The following LAT2 variants were observed in gnomAD, a reference collection of about 807,000 sequenced individuals.
The protein encoded by LAT2 is linker for activation of T-cells family member 2.
A neutral mutation model predicts 43.4 loss-of-function variants in LAT2; 23 were observed. The observed-to-expected ratio is 0.53, with a 90% CI of 0.38 to 0.75. The LOEUF is 0.75. Ranked by LOEUF, LAT2 falls within the 30% of genes least tolerant of loss-of-function variation. The pLI, the probability that LAT2 is intolerant of heterozygous loss-of-function variation, is 0.00. For missense variants in LAT2, 284 were observed against 310.2 expected, an observed-to-expected ratio of 0.92 and a Z score of 0.64; for synonymous variants, 128 against 123.2, an observed-to-expected ratio of 1.04 and a Z score of -0.26.
chr7:74,228,424 C>T (rs1473482808), intron 13 of LAT2, among the ~76,000 whole-genome samples: 2 of 147,892 alleles, frequency 1.4e-5, no homozygotes, highest in Non-Finnish European at 3.0e-5. Context: ...TGCAGTGAGC[C>T]GAGATCACGC....
At chr7:74,216,747 C>T in intron 3 of LAT2, 78 bp from the exon 4 acceptor site, 3 of 1,253,762 alleles carry the variant, frequency 2.4e-6, no homozygotes, top group African/African-American at 1.5e-5. Context: ...CTGCTGGAGA[C>T]AAGACATGGC....
chr7:74,220,347 G>A lies in LAT2; in HGVS notation c.265+93G>A, dbSNP rs1019615207. 4.2e-6 allele frequency: 6 copies of A among 1,438,342 alleles called. No homozygotes were observed. Among genetic ancestry groups the A allele is most frequent in the African/African-American group, 1.4e-5 (1 of 70,994 alleles). The allele number at this position is 1,438,342 out of a possible 1,614,324, so 89.1% of individuals were successfully genotyped here. A position where few individuals can be genotyped will look rare whatever the true frequency, so the allele number is the denominator to read the frequency against. Reference sequence around the variant, plus strand: ...ATGGGACAGGCGTCGTGCAGTGGGGGCTGCGGGGCCAGGCGAGGCCTCCCC... The same window carrying A: ...ATGGGACAGGCGTCGTGCAGTGGGGACTGCGGGGCCAGGCGAGGCCTCCCC... On this transcript the variant is annotated intron_variant, in intron 7 of 13. Coordinates refer to ENST00000460943, the MANE Select transcript of LAT2 (RefSeq NM_032464.3). The surrounding 1 kb of genome is among the most constrained non-coding windows in gnomAD (Gnocchi z 4.5).
chr7:74,221,951 G>A (rs1044270711), intron 10 of LAT2, among the ~76,000 whole-genome samples: 12 of 151,946 alleles, frequency 7.9e-5, no homozygotes, highest in Non-Finnish European at 1.6e-4. Context: ...GGGCTGGCTT[G>A]GGGAGGTGGG....
chr7:74,224,937 G>C (rs1802433397), intron 13 of LAT2, 177 bp downstream of exon 13: 2 of 503,720 alleles, frequency 4.0e-6, no homozygotes, highest in South Asian at 4.7e-5. Context: ...CCTCTGTTCT[G>C]GCCAGGGGCG....
At chr7:74,223,645 G>C in intron 10 of LAT2, 79 bp from the exon 11 acceptor site, 1 of 1,369,320 alleles carries the variant, frequency 7.3e-7, no homozygotes, top group Non-Finnish European at 1.0e-6. Flanking sequence ...GCAAAGGGAA[G>C]GCAGGACAGA....
chr7:74,213,733 C>G (rs1381006921), intron 1 of LAT2, among the ~76,000 whole-genome samples: 1 of 152,052 alleles, frequency 6.6e-6, no homozygotes, highest in Non-Finnish European at 1.5e-5. Context: ...GGAGCTCCTC[C>G]CTTTTAAGTC....
At chr7:74,214,773 ATAAATATATATATATATATTTTT>A (rs1563968770) in intron 1 of LAT2, 26 bp from the exon 2 acceptor site, 11 of 27,154 alleles carry the variant, frequency 4.1e-4, no homozygotes, top group African/African-American at 1.7e-3. Context: ...ACATATATAT[ATAAATATATATATATATATTTTT>A]TTTTTTTTTT....
rs548830059 is a variant in LAT2, at chr7:74,223,726, G to A, written c.391G>A (p.Asp131Asn). ...WGRFSKPPED[D>N]DANSYENVLI... ...GCCCACTCCTCTCTCTCCTGCAGAT[G>A]ATGATGCCAATTCCTACGAGAATGT... is the stretch of plus-strand genomic sequence containing the variant. The change falls in exon 11 of 14, where the codon GAT (aspartate) becomes AAT (asparagine). Residue 131 changes from aspartate to asparagine, a missense_variant and splice_region_variant. Transcript: ENST00000460943. The A allele has an allele frequency of 3.1e-6, 5 of 1,613,854 alleles. No individual in the cohort carries two copies. Among genetic ancestry groups the A allele is most frequent in the Non-Finnish European group, 4.2e-6 (5 of 1,179,952 alleles).
intron 1 of LAT2, among the ~76,000 whole-genome samples, chr7:74,211,583 G>A (rs1477038108): frequency 1.3e-5 from 2 of 151,520 alleles, no homozygotes; most frequent in Admixed American, 6.6e-5. Context: ...TCAGCCTCCC[G>A]AGTAGCTGAG....
At chr7:74,221,727 T>C (rs1554715319) in intron 10 of LAT2, 35 bp downstream of exon 10, 6 of 1,583,650 alleles carry the variant, frequency 3.8e-6, no homozygotes, top group Non-Finnish European at 5.2e-6. Context: ...GTGGAGGAAG[T>C]GGTGTGGGAG....
rs1207748156 is a variant in LAT2 at position 74,220,866 on chromosome 7, C to G, written c.332+132C>G. On this transcript the variant is annotated intron_variant, in intron 9 of 13. Transcript: ENST00000460943. The surrounding 1 kb of genome is among the most constrained non-coding windows in gnomAD (Gnocchi z 4.5). ...TTCCTGGTCCAGGAACCACCTCTTG[C>G]ACTAGAACGAGGCATCCAGGTTCCC... 1 of 749,946 alleles carries G rather than the reference C, an allele frequency of 1.3e-6. No homozygotes were observed. The highest frequency in any genetic ancestry group is 2.9e-5 in the Admixed American group (1 of 34,062). The allele number at this position is 749,946 out of a possible 1,614,324, so 46.5% of individuals were successfully genotyped here. A position where few individuals can be genotyped will look rare whatever the true frequency, so the allele number is the denominator to read the frequency against.
In LAT2 at chr7:74,214,997, T is replaced by A. The variant is rs1801986587; in HGVS notation, c.-43T>A. The A allele has an allele frequency of 6.6e-6, 1 of 151,544 alleles. No individual in the cohort carries two copies. Among genetic ancestry groups the A allele is most frequent in the Admixed American group, 6.6e-5 (1 of 15,066 alleles). 9.4% of individuals were successfully genotyped at this position (151,544 alleles called of 1,614,324 possible). On this transcript the variant is annotated 5_prime_UTR_variant, in exon 2 of 14. Transcript: ENST00000460943. ...CCCACTCGAGAGGGCCACGCCTCCATTCACCAGGCCACGGTGGGTGGTGTG... is the reference window on the plus strand; with the variant it reads ...CCCACTCGAGAGGGCCACGCCTCCAATCACCAGGCCACGGTGGGTGGTGTG...
intron 12 of LAT2, 62 bp from the exon 13 acceptor site, chr7:74,224,577 G>A (rs1802414680): frequency 7.1e-7 from 1 of 1,401,344 alleles, no homozygotes; most frequent in Non-Finnish European, 9.9e-7. Context: ...TGAGTCTGGG[G>A]GAGCAGTCAT....
chr7:74,223,600 C>G, intron 10 of LAT2, 124 bp from the exon 11 acceptor site: 2 of 871,660 alleles, frequency 2.3e-6, no homozygotes, highest in South Asian at 3.0e-5. Flanking sequence ...TCCCGGGGGA[C>G]CCAGAGGGCT....
intron 1 of LAT2, among the ~76,000 whole-genome samples, chr7:74,213,420 C>CTTTTTTT (rs1554713423): frequency 7.3e-6 from 1 of 136,238 alleles, no homozygotes; most frequent in Non-Finnish European, 1.6e-5. Context: ...TGTGCCCGGC[C>CTTTTTTT]ATTTTTTTTT....
chr7:74,219,583 C>T (rs574632934), intron 4 of LAT2, among the ~76,000 whole-genome samples, 161 bp from the exon 5 acceptor site: 2 of 152,350 alleles, frequency 1.3e-5, no homozygotes, highest in South Asian at 2.1e-4. Context: ...CATGGGGAGC[C>T]GTGAGAATGA....
chr7:74,216,372 C>T (rs567419350), intron 3 of LAT2, among the ~76,000 whole-genome samples: 5 of 151,916 alleles, frequency 3.3e-5, no homozygotes, highest in Non-Finnish European at 5.9e-5. Context: ...TGAGCAAATA[C>T]CCTTTTTTCT....
At chr7:74,219,561 G>A (rs1802183800) in intron 4 of LAT2, among the ~76,000 whole-genome samples, 183 bp from the exon 5 acceptor site, 1 of 152,262 alleles carries the variant, frequency 6.6e-6, no homozygotes, top group Non-Finnish European at 1.5e-5. Flanking sequence ...AGGGGCCAGA[G>A]AATGGGGATA....
Position 74,216,078 on chromosome 7 carries a change from G to T in LAT2, c.94+9G>T. ...GCGCTGCTCACGCCCAGGTAAGCGGGGGTCTCGGGGACGTGATGGGGAGAA... is the reference window on the plus strand; with the variant it reads ...GCGCTGCTCACGCCCAGGTAAGCGGTGGTCTCGGGGACGTGATGGGGAGAA... On this transcript the variant is annotated intron_variant, in intron 3 of 13. Transcript: ENST00000460943. 1 of 1,604,398 alleles carries T rather than the reference G, an allele frequency of 6.2e-7. No homozygotes were observed. Among genetic ancestry groups the T allele is most frequent in the South Asian group, 1.1e-5 (1 of 90,594 alleles).
Sources: gnomAD v4.1 joint callset for allele counts (sites outside exome capture counted in the v4.1 genomes callset) on GRCh38, gnomAD v4.1.1 for gene constraint, Gnocchi (gnomAD v3.1) non-coding constraint, MANE v1.5 for transcripts, NCBI Gene and HGNC (gene_info 2026-07-23, HGNC 2026-07-21) for gene names.